The following DISC1 variants were observed in gnomAD, a reference collection of about 807,000 sequenced individuals.
DISC1 encodes the protein disrupted in schizophrenia 1 protein.
DISC1 carries 57 observed loss-of-function variants against 84.5 expected under a neutral mutation model. That is an observed-to-expected ratio of 0.67 (90% CI 0.55 to 0.84). The LOEUF (loss-of-function observed/expected upper bound fraction) is 0.84, where lower values mean the gene tolerates loss of function less well. DISC1 is among the 40% of genes least tolerant of loss of function. The pLI is 0.00. For synonymous variants in DISC1, 411 were observed against 415.2 expected, an observed-to-expected ratio of 0.99 and a Z score of 0.12; for missense variants, 1,000 against 1,057.8, an observed-to-expected ratio of 0.95 and a Z score of 0.76.
chr1:231,865,004 C>A (rs2084950389), intron 9 of DISC1, among the ~76,000 whole-genome samples: 1 of 152,142 alleles, frequency 6.6e-6, no homozygotes, highest in Admixed American at 6.5e-5. Flanking sequence ...CTGTGGTAGA[C>A]CTGGAGCGGT....
rs142262149 is a variant in DISC1 at position 231,728,130 on chromosome 1, C to T, written c.1118-21796C>T. The stretch of plus-strand genomic sequence containing the variant: ...ATTTCATACAAAGATGGAGGAATCA[C>T]GCTGCATCCCTTTGGTGTTTACTTG... On this transcript the variant is annotated intron_variant, in intron 3 of 12. Transcript: ENST00000439617. Among the ~76,000 whole-genome samples the T allele has an allele frequency of 9.2e-5, 14 of 152,086 alleles. No individual in the cohort carries two copies. In the South Asian group the frequency reaches 1.5e-3, roughly 16 times the overall value.
In DISC1 at chr1:232,009,179, A is replaced by G. The variant is rs985189983; in HGVS notation, c.2307+130A>G. ...AGCATATAAACTTTTAAAAGTTTCA[A>G]TAACTCTTGAATATGATTACAAAAT... On this transcript the variant is annotated intron_variant, in intron 11 of 12. Transcript: ENST00000439617. This position sits in a 1 kb window ranked among gnomAD's most constrained non-coding sequence, Gnocchi z 4.6. 1.9e-5 allele frequency: 28 copies of G among 1,473,376 alleles called. No individual in the cohort carries two copies. The East Asian group carries it at 5.2e-4, about 28-fold the overall frequency. The allele number at this position is 1,473,376 out of a possible 1,614,324, so 91.3% of individuals were successfully genotyped here.
chr1:232,023,482 T>G (rs746617519), intron 11 of DISC1, among the ~76,000 whole-genome samples: 22 of 152,202 alleles, frequency 1.4e-4, no homozygotes, highest in Non-Finnish European at 2.4e-4. Context: ...TTCTTTTTGA[T>G]AGATTCCAGG....
intron 9 of DISC1, among the ~76,000 whole-genome samples, chr1:231,820,854 C>T (rs2081440112): frequency 6.6e-6 from 1 of 152,204 alleles, no homozygotes; most frequent in Admixed American, 6.5e-5. Flanking sequence ...CCCTGGGCAG[C>T]AATGTGCCCC....
chr1:231,973,578 T>G (rs933293475), intron 10 of DISC1, among the ~76,000 whole-genome samples: 1 of 152,226 alleles, frequency 6.6e-6, no homozygotes, highest in Non-Finnish European at 1.5e-5. Flanking sequence ...ATGCGGTTGA[T>G]AAACATCATC....
chr1:231,867,511 C>T (rs1282117813), intron 9 of DISC1, among the ~76,000 whole-genome samples: 2 of 152,158 alleles, frequency 1.3e-5, no homozygotes, highest in East Asian at 3.9e-4. Context: ...CTGTTCCAGC[C>T]ATGGGAGCAT....
intron 3 of DISC1, among the ~76,000 whole-genome samples, chr1:231,742,440 C>T (rs997272152): frequency 6.6e-6 from 1 of 152,134 alleles, no homozygotes; most frequent in African/African-American, 2.4e-5. Context: ...TATGCAATTG[C>T]TGGTGACCAT....
intron 3 of DISC1, among the ~76,000 whole-genome samples, chr1:231,728,011 G>C (rs1017337563): frequency 2.0e-5 from 3 of 151,962 alleles, no homozygotes; most frequent in African/African-American, 7.2e-5. Context: ...TTATAAGATT[G>C]TTTAGGATGA....
intron 11 of DISC1, among the ~76,000 whole-genome samples, chr1:232,010,816 G>A (rs1340020016): frequency 2.0e-5 from 3 of 152,086 alleles, no homozygotes; most frequent in South Asian, 2.1e-4. Flanking sequence ...CTGTTTGCTC[G>A]GATTCTTCGC....
rs1572942714 is a variant in DISC1, at chr1:231,694,883, G to A, written c.1047+78G>A. On this transcript the variant is annotated intron_variant, in intron 2 of 12. Coordinates refer to ENST00000439617, the MANE Select transcript of DISC1 (RefSeq NM_018662.3). ...CACTGGGCAGACGGCAGGAAACGAG[G>A]GGTTCTGGGCTCAACTGACTTCCTC... 12 of 1,565,954 alleles carry A rather than the reference G, an allele frequency of 7.7e-6. No homozygotes were observed. The East Asian group carries it at 2.6e-4, about 34-fold the overall frequency.
intron 9 of DISC1, among the ~76,000 whole-genome samples, chr1:231,892,974 C>G (rs1235156826): frequency 6.6e-6 from 1 of 151,986 alleles, no homozygotes; most frequent in Non-Finnish European, 1.5e-5. Flanking sequence ...CTAGCCTGGC[C>G]AAAATGGCGA....
At chr1:232,020,343 AAAAT>A (rs1420025018) in intron 11 of DISC1, among the ~76,000 whole-genome samples, 2 of 152,310 alleles carry the variant, frequency 1.3e-5, no homozygotes, top group East Asian at 1.9e-4. Flanking sequence ...ACTGTCTCAA[AAAAT>A]AAATAAATAA....
At chr1:231,964,541 G>A (rs1343596844) in intron 10 of DISC1, among the ~76,000 whole-genome samples, 1 of 152,184 alleles carries the variant, frequency 6.6e-6, no homozygotes, top group Non-Finnish European at 1.5e-5. Context: ...AGAAAAAGCA[G>A]CTAGGAGTCT....
chr1:231,862,794 C>T (rs1016916914), intron 9 of DISC1, among the ~76,000 whole-genome samples: 2 of 152,100 alleles, frequency 1.3e-5, no homozygotes, highest in African/African-American at 4.8e-5. Context: ...TGACTTGCAC[C>T]ATGGAGTGAT....
At chr1:231,917,111 T>A (rs910620675) in intron 9 of DISC1, among the ~76,000 whole-genome samples, 2 of 152,226 alleles carry the variant, frequency 1.3e-5, no homozygotes, top group East Asian at 3.8e-4. Context: ...TACAGATACC[T>A]TGTCATTAAA....
chr1:231,687,606 T>A (rs1451835467), intron 1 of DISC1, among the ~76,000 whole-genome samples: 2 of 152,238 alleles, frequency 1.3e-5, no homozygotes, highest in East Asian at 3.8e-4. Flanking sequence ...ATTATTTTTA[T>A]ATCACGCATG....
intron 9 of DISC1, among the ~76,000 whole-genome samples, chr1:231,908,253 G>A (rs949490849): frequency 1.3e-5 from 2 of 152,152 alleles, no homozygotes; most frequent in African/African-American, 4.8e-5. Flanking sequence ...CCTTGCCCAT[G>A]CCTGTGTCCT....
chr1:231,882,379 C>T (rs1297036926), intron 9 of DISC1, among the ~76,000 whole-genome samples: 2 of 152,118 alleles, frequency 1.3e-5, no homozygotes, highest in Non-Finnish European at 2.9e-5. Context: ...CTGTCTCATT[C>T]ATTCAGGCAC....
intron 8 of DISC1, among the ~76,000 whole-genome samples, chr1:231,807,794 G>C (rs2079866386): frequency 6.6e-6 from 1 of 152,174 alleles, no homozygotes; most frequent in Non-Finnish European, 1.5e-5. Context: ...AAATCTTGAA[G>C]CTAAACAAAC....
Sources: allele counts gnomAD v4.1 joint callset (sites outside exome capture counted in the v4.1 genomes callset), GRCh38; gene constraint gnomAD v4.1.1; non-coding constraint Gnocchi (gnomAD v3.1); transcripts MANE v1.5; gene names NCBI Gene and HGNC (gene_info 2026-07-23, HGNC 2026-07-21).